The following GPM6A variants were observed in gnomAD, a reference collection of about 807,000 sequenced individuals.
GPM6A encodes neuronal membrane glycoprotein M6-a.
Under a neutral mutation model 32.1 loss-of-function variants are expected in GPM6A, and 7 were observed. The ratio of observed to expected loss-of-function variants is 0.22; its 90% CI spans 0.12 to 0.41. The LOEUF (loss-of-function observed/expected upper bound fraction) is 0.41. GPM6A is among the 10% of genes least tolerant of loss of function. GPM6A has a pLI of 1.00. For synonymous variants in GPM6A, 130 were observed against 123.4 expected, an observed-to-expected ratio of 1.05 and a Z score of -0.35; for missense variants, 235 against 347.2, an observed-to-expected ratio of 0.68 and a Z score of 2.57.
chr4:175,778,043 A>C (rs2111246542), intron 1 of GPM6A, among the ~76,000 whole-genome samples: 1 of 152,258 alleles, frequency 6.6e-6, no homozygotes, highest in African/African-American at 2.4e-5. Context: ...TGGAGCACAG[A>C]TTTGCATGTA....
chr4:175,881,857 G>T (rs1396874083), intron 1 of GPM6A, among the ~76,000 whole-genome samples: 1 of 151,894 alleles, frequency 6.6e-6, no homozygotes, highest in South Asian at 2.1e-4. Context: ...GGGAGGAGGG[G>T]GAGGGATAGC....
intron 6 of GPM6A, among the ~76,000 whole-genome samples, chr4:175,636,274 A>ATATATG (rs1740592062): frequency 1.6e-5 from 2 of 122,286 alleles, no homozygotes; most frequent in Admixed American, 8.8e-5. Context: ...ATATATATAT[A>ATATATG]TATATATATA....
intron 1 of GPM6A, among the ~76,000 whole-genome samples, chr4:175,924,542 A>C (rs1738769667): frequency 6.6e-6 from 1 of 152,102 alleles, no homozygotes; most frequent in African/African-American, 2.4e-5. Flanking sequence ...CTGAGAACGA[A>C]TCAAGAGAAG....
intron 1 of GPM6A, among the ~76,000 whole-genome samples, chr4:175,848,294 C>G (rs1736151172): frequency 6.6e-6 from 1 of 152,166 alleles, no homozygotes; most frequent in South Asian, 2.1e-4. Context: ...AATGAAAAGC[C>G]TTTTCCAACA....
chr4:175,739,043 AC>A, intron 1 of GPM6A, among the ~76,000 whole-genome samples: 1 of 152,334 alleles, frequency 6.6e-6, no homozygotes, highest in East Asian at 1.9e-4. Context: ...GTTCTAAGAA[AC>A]TAGCAAGCAT....
intron 1 of GPM6A, among the ~76,000 whole-genome samples, chr4:175,957,724 T>C (rs996266868): frequency 6.6e-6 from 1 of 152,108 alleles, no homozygotes; most frequent in Non-Finnish European, 1.5e-5. Context: ...ATTAAAAAAA[T>C]CAATAGTAGG....
intron 1 of GPM6A, among the ~76,000 whole-genome samples, chr4:175,736,178 C>G (rs1731651367): frequency 6.6e-6 from 1 of 151,806 alleles, no homozygotes; most frequent in Non-Finnish European, 1.5e-5. Flanking sequence ...CACCACCATG[C>G]CTAATTTTTT....
intron 1 of GPM6A, among the ~76,000 whole-genome samples, chr4:175,976,417 C>T (rs751714708): frequency 6.6e-6 from 1 of 151,314 alleles, no homozygotes; most frequent in Non-Finnish European, 1.5e-5. Context: ...CCTCCCGCCT[C>T]GGCCTCCCAA....
At chr4:175,655,220 C>T (rs547042052) in intron 3 of GPM6A, among the ~76,000 whole-genome samples, 45 of 152,054 alleles carry the variant, frequency 3.0e-4, no homozygotes, top group Non-Finnish European at 3.4e-4. Context: ...AAGTTTTGTT[C>T]TAGAAAAATG....
chr4:175,873,323 A>G (rs892485279), intron 1 of GPM6A, among the ~76,000 whole-genome samples: 7 of 151,986 alleles, frequency 4.6e-5, no homozygotes, highest in African/African-American at 1.4e-4. Flanking sequence ...TGCCTTGTGA[A>G]AAAAAAACAC....
intron 1 of GPM6A, among the ~76,000 whole-genome samples, chr4:175,959,717 A>T (rs936609757): frequency 5.3e-5 from 8 of 152,168 alleles, no homozygotes; most frequent in African/African-American, 1.9e-4. Flanking sequence ...CTCCACACAC[A>T]TGCAAACATA....
chr4:175,984,445 G>A (rs1371527685), intron 1 of GPM6A, among the ~76,000 whole-genome samples: 1 of 152,124 alleles, frequency 6.6e-6, no homozygotes, highest in Non-Finnish European at 1.5e-5. Flanking sequence ...TAACAGGCAT[G>A]AGCCACCGCG....
In GPM6A at chr4:175,769,505, T is replaced by C. The variant is rs76380917; in HGVS notation, c.37+42686A>G. 4.8e-3 allele frequency among the ~76,000 whole-genome samples: 699 copies of C among 146,056 alleles called. 3 individuals are homozygous for C. The highest frequency in any genetic ancestry group is 0.016 in the African/African-American group (629 of 40,134). Reference sequence around the variant, plus strand: ...GTTCAGGGAAACAAATCAATGGACCTTTTTGCCCAGGGCCCCCCTGTGACT... The same window carrying C: ...GTTCAGGGAAACAAATCAATGGACCCTTTTGCCCAGGGCCCCCCTGTGACT... On this transcript the variant is annotated intron_variant, in intron 1 of 6. Coordinates refer to ENST00000393658, the MANE Select transcript of GPM6A (RefSeq NM_201591.3).
At chr4:175,713,501 T>C (rs1386215006) in intron 1 of GPM6A, among the ~76,000 whole-genome samples, 1 of 152,208 alleles carries the variant, frequency 6.6e-6, no homozygotes, top group Non-Finnish European at 1.5e-5. Flanking sequence ...TGATAGTCCC[T>C]ATTTTTAAAG....
chr4:175,801,703 T>C lies in GPM6A; in HGVS notation c.37+10488A>G, dbSNP rs1734479212. Among the ~76,000 whole-genome samples, 3 of 152,086 alleles carry C rather than the reference T, an allele frequency of 2.0e-5. No homozygotes were observed. The South Asian group carries it at 6.2e-4, about 32-fold the overall frequency. On this transcript the variant is annotated intron_variant, in intron 1 of 6. Coordinates refer to ENST00000393658, the MANE Select transcript of GPM6A (RefSeq NM_201591.3). ...CCTGGGGGGACACAGGCATGGGTAA[T>C]ACAGTTGCCTGAAAAGACCTCATCA...
intron 1 of GPM6A, among the ~76,000 whole-genome samples, chr4:175,751,472 T>C (rs1327742858): frequency 2.0e-5 from 3 of 152,188 alleles, no homozygotes; most frequent in African/African-American, 7.2e-5. Context: ...AAACTAACCA[T>C]ATATTACTGT....
rs1171590237 is a variant in GPM6A, at chr4:175,896,327, T to C, written c.-22-84078A>G. Among the ~76,000 whole-genome samples the C allele has an allele frequency of 2.6e-5, 4 of 152,158 alleles. 1 individual carries two copies. Among genetic ancestry groups the C allele is most frequent in the Non-Finnish European group, 5.9e-5 (4 of 67,982 alleles). On this transcript the variant is annotated intron_variant, in intron 1 of 7. Transcript: ENST00000280187. ...AGTTCTGGGGTCTCTATGACAAACT[T>C]TTTAGGGTCACAGGTACCTAGCATC...
At chr4:176,000,552 C>T (rs1195503855) in intron 1 of GPM6A, among the ~76,000 whole-genome samples, 1 of 152,208 alleles carries the variant, frequency 6.6e-6, no homozygotes, top group Non-Finnish European at 1.5e-5. Flanking sequence ...TCCTCTCGAG[C>T]TTGAGGTTAC....
At chr4:175,817,567 G>C (rs1735146582) in intron 1 of GPM6A, among the ~76,000 whole-genome samples, 1 of 152,228 alleles carries the variant, frequency 6.6e-6, no homozygotes, top group South Asian at 2.1e-4. Context: ...AGTTTTCCTG[G>C]TTTCCTAGAA....
Sources: allele counts gnomAD v4.1 joint callset (sites outside exome capture counted in the v4.1 genomes callset), GRCh38; gene constraint gnomAD v4.1.1; transcripts MANE v1.5; gene names NCBI Gene and HGNC (gene_info 2026-07-23, HGNC 2026-07-21).